Variants in CNOT8 observed in about 807,000 individuals in gnomAD.
The protein encoded by CNOT8 is CCR4-NOT transcription complex subunit 8, also known as CAF1-like protein.
A neutral mutation model predicts 34.6 loss-of-function variants in CNOT8; 18 were observed. The ratio of observed to expected loss-of-function variants is 0.52; its 90% CI spans 0.36 to 0.77. The LOEUF (loss-of-function observed/expected upper bound fraction) is 0.77, where lower values mean the gene tolerates loss of function less well. Among genes scored for constraint, CNOT8 ranks in the 30% least tolerant of loss-of-function variants. CNOT8 has a pLI of 0.00. For missense variants in CNOT8, 189 were observed against 347.9 expected (o/e 0.54, Z 3.63); for synonymous variants, 101 against 118.8 (o/e 0.85, Z 0.98).
rs4958768 is a variant in CNOT8, at chr5:154,870,995, A to T, written c.473+173A>T. On this transcript the variant is annotated intron_variant, in intron 4 of 6. Transcript: ENST00000285896. The stretch of plus-strand genomic sequence containing the variant: ...AGTTTTTCACAAAACACTGGGGCTC[A>T]TATACTGGTTTGTTTCACACAGTAT... Among the ~76,000 whole-genome samples the T allele has an allele frequency of 3.2e-3, 489 of 152,288 alleles. 8 individuals are homozygous for T. In the East Asian group the frequency reaches 0.061, roughly 19 times the overall value.
In CNOT8 at chr5:154,860,916, G is replaced by C. The variant is rs757985952; in HGVS notation, c.-73+2148G>C. On this transcript the variant is annotated intron_variant, in intron 1 of 6. Coordinates refer to ENST00000285896, the MANE Select transcript of CNOT8 (RefSeq NM_001301073.2). ...GAAGTTAAAGGCGTCTTTTGGTTGTGTGGGGTTTTTTGTTGTTGTTGCTTT... is the reference window on the plus strand; with the variant it reads ...GAAGTTAAAGGCGTCTTTTGGTTGTCTGGGGTTTTTTGTTGTTGTTGCTTT... 3.2e-4 allele frequency among the ~76,000 whole-genome samples: 49 copies of C among 152,174 alleles called. 1 individual carries two copies. Among genetic ancestry groups the C allele is most frequent in the Non-Finnish European group, 2.2e-4 (15 of 68,030 alleles).
rs72799503 is a variant in CNOT8, at chr5:154,875,237, T to C, written c.730-53T>C. The C allele has an allele frequency of 5.4e-3, 8,633 of 1,589,960 alleles. 30 individuals are homozygous for C. The highest frequency in any genetic ancestry group is 6.1e-3 in the Non-Finnish European group (7,116 of 1,163,366). On this transcript the variant is annotated intron_variant, in intron 6 of 6. Coordinates refer to ENST00000285896, the MANE Select transcript of CNOT8 (RefSeq NM_001301073.2). ...CGGCCAGATGTGATAATATTTATAC[T>C]TGTCATGACTTCTAGCATAACTCTC...
At chr5:154,859,420 C>T (rs1347661950) in intron 1 of CNOT8, 4 of 152,162 alleles carry the variant, frequency 2.6e-5, no homozygotes, top group African/African-American at 9.7e-5. Context: ...AACTCACAGA[C>T]CTGGGCCATT....
intron 3 of CNOT8, among the ~76,000 whole-genome samples, chr5:154,867,994 T>A (rs983790659): frequency 1.1e-4 from 16 of 152,176 alleles, no homozygotes; most frequent in African/African-American, 3.9e-4. Context: ...TGGAGTGCAG[T>A]GGCACAATCT....
chr5:154,863,841 C>G (rs967125918), intron 2 of CNOT8, among the ~76,000 whole-genome samples: 1 of 151,996 alleles, frequency 6.6e-6, no homozygotes, highest in Admixed American at 6.6e-5. Context: ...CCCAGCTGTT[C>G]CACAGATATG....
At chr5:154,864,586 T>A (rs555945658) in intron 2 of CNOT8, among the ~76,000 whole-genome samples, 19 of 152,358 alleles carry the variant, frequency 1.2e-4, no homozygotes, top group Admixed American at 2.6e-4. Context: ...TCCCTGTATT[T>A]GTATTTTTAT....
intron 1 of CNOT8, chr5:154,859,801 A>C (rs528233106): frequency 6.6e-6 from 1 of 152,376 alleles, no homozygotes; most frequent in East Asian, 1.9e-4. Flanking sequence ...TTTACACCGT[A>C]GATGAACGGG....
intron 1 of CNOT8, among the ~76,000 whole-genome samples, chr5:154,860,071 T>C (rs1054443502): frequency 2.0e-5 from 3 of 152,220 alleles, no homozygotes; most frequent in African/African-American, 7.2e-5. Flanking sequence ...CCTTCAGTTT[T>C]GAAACTTGTT....
intron 6 of CNOT8, among the ~76,000 whole-genome samples, chr5:154,874,022 C>T (rs188668805): frequency 1.6e-3 from 250 of 152,224 alleles, no homozygotes; most frequent in Non-Finnish European, 2.8e-3. Context: ...TCTCATTCCT[C>T]ATAATAACCC....
chr5:154,869,493 G>A (rs1762256047), intron 3 of CNOT8, among the ~76,000 whole-genome samples: 1 of 149,786 alleles, frequency 6.7e-6, no homozygotes, highest in African/African-American at 2.5e-5. Context: ...CTCCTAGGCT[G>A]GAGTACAGTG....
At chr5:154,869,857 T>A (rs1293794510) in intron 3 of CNOT8, among the ~76,000 whole-genome samples, 1 of 151,942 alleles carries the variant, frequency 6.6e-6, no homozygotes, top group Non-Finnish European at 1.5e-5. Context: ...TCTCTTGACC[T>A]CGTGATCCGC....
Position 154,872,657 on chromosome 5 carries a change from C to G in CNOT8, c.729+6C>G. On this transcript the variant is annotated splice_donor_region_variant and intron_variant, in intron 6 of 6. Coordinates refer to ENST00000285896, the MANE Select transcript of CNOT8 (RefSeq NM_001301073.2). The stretch of plus-strand genomic sequence containing the variant: ...CTTTCTTTAGGATGAAAGAGGTAAG[C>G]TTCCTTGAATGTGATCACAGGCCTC... 6.3e-7 allele frequency: 1 copy of G among 1,590,220 alleles called. No individual in the cohort carries two copies.
chr5:154,871,541 CAG>C (rs1411133834), intron 4 of CNOT8, among the ~76,000 whole-genome samples, 187 bp from the exon 5 acceptor site: 1 of 109,032 alleles, frequency 9.2e-6, no homozygotes, highest in African/African-American at 3.7e-5. Flanking sequence ...GCCTGGGCAA[CAG>C]AGTAAGACTC....
chr5:154,871,673 A>G, intron 4 of CNOT8, 57 bp from the exon 5 acceptor site: 1 of 1,552,304 alleles, frequency 6.4e-7, no homozygotes, highest in Non-Finnish European at 8.8e-7. Context: ...AAAATGGTTG[A>G]ACACTGGGGC....
intron 3 of CNOT8, among the ~76,000 whole-genome samples, chr5:154,866,939 CTTGGGATTGAAGCCTAGTTATA>C (rs574104457): frequency 7.5e-4 from 113 of 151,618 alleles, no homozygotes; most frequent in African/African-American, 2.6e-3. Flanking sequence ...ATAATGTTTA[CTTGGGATTGAAGCCTAGTTATA>C]ATAAGCAAAA....
chr5:154,870,367 C>T (rs1326868982), intron 3 of CNOT8: 1 of 208,024 alleles, frequency 4.8e-6, no homozygotes, highest in Non-Finnish European at 9.6e-6. Flanking sequence ...TACAGGCGTG[C>T]ACCACTGTGC....
chr5:154,871,955 G>A lies in CNOT8; in HGVS notation c.618+81G>A, dbSNP rs140347459. The A allele has an allele frequency of 1.3e-5, 17 of 1,280,840 alleles. No individual in the cohort carries two copies. The African/African-American group carries it at 1.3e-4, about 10-fold the overall frequency. 79.3% of individuals were successfully genotyped at this position (1,280,840 alleles called of 1,614,324 possible). A position where few individuals can be genotyped will look rare whatever the true frequency, so the allele number is the denominator to read the frequency against. On this transcript the variant is annotated intron_variant, in intron 5 of 6. Coordinates refer to ENST00000285896, the MANE Select transcript of CNOT8 (RefSeq NM_001301073.2). Reference sequence around the variant, plus strand: ...ACTTTGCTTTATTGTTACGTGTTCAGCATGCATTTTTGAGTACTAGATGCT... The same window carrying A: ...ACTTTGCTTTATTGTTACGTGTTCAACATGCATTTTTGAGTACTAGATGCT...
chr5:154,863,814 T>C (rs941732308), intron 2 of CNOT8, among the ~76,000 whole-genome samples: 6 of 152,232 alleles, frequency 3.9e-5, no homozygotes, highest in African/African-American at 1.4e-4. Context: ...AAGCAGAAGT[T>C]ACGTCATCCC....
intron 2 of CNOT8, among the ~76,000 whole-genome samples, chr5:154,864,288 G>A (rs1761648452): frequency 6.6e-6 from 1 of 152,008 alleles, no homozygotes; most frequent in Non-Finnish European, 1.5e-5. Context: ...GTGAAACCCT[G>A]CCTCTACTAA....
Sources: gnomAD v4.1 joint callset for allele counts (sites outside exome capture counted in the v4.1 genomes callset) on GRCh38, gnomAD v4.1.1 for gene constraint, MANE v1.5 for transcripts, NCBI Gene and HGNC (gene_info 2026-07-23, HGNC 2026-07-21) for gene names.